KLRD1: variants seen among roughly 807,000 people sequenced by gnomAD.
KLRD1 encodes killer cell lectin like receptor D1.
A neutral mutation model predicts 22.6 loss-of-function variants in KLRD1; 21 were observed. The observed-to-expected ratio is 0.93, with a 90% CI of 0.66 to 1.34. The LOEUF (loss-of-function observed/expected upper bound fraction) is 1.34. Ranked by LOEUF, KLRD1 falls within the 40% of genes most tolerant of loss-of-function variation. The pLI is 0.00. For missense variants in KLRD1, 183 were observed against 208.6 expected (o/e 0.88, Z 0.76); for synonymous variants, 59 against 71.1 (o/e 0.83, Z 0.85).
chr12:10,269,765 T>A (rs1949532237), intron 1 of KLRD1, among the ~76,000 whole-genome samples: 1 of 152,168 alleles, frequency 6.6e-6, no homozygotes, highest in Non-Finnish European at 1.5e-5. Flanking sequence ...TCATCTTAAC[T>A]TTCTATTTTT....
At chr12:10,286,662 CTTTTTTT>C (rs747241701) in intron 1 of KLRD1, among the ~76,000 whole-genome samples, 28 of 54,800 alleles carry the variant, frequency 5.1e-4, no homozygotes, top group Non-Finnish European at 6.9e-4. Flanking sequence ...GCTTATGGTG[CTTTTTTT>C]TTTTTTTTTT....
At chr12:10,268,917 T>C (rs1399851589) in intron 1 of KLRD1, among the ~76,000 whole-genome samples, 1 of 152,228 alleles carries the variant, frequency 6.6e-6, no homozygotes, top group African/African-American at 2.4e-5. Flanking sequence ...AATTTTATCA[T>C]TATAACAGTG....
At chr12:10,252,010 A>G (rs892850413) in intron 1 of KLRD1, among the ~76,000 whole-genome samples, 1 of 152,154 alleles carries the variant, frequency 6.6e-6, no homozygotes, top group Non-Finnish European at 1.5e-5. Context: ...TCAATTACAC[A>G]TTTCTCCTGA....
chr12:10,259,381 A>C (rs535482514), intron 1 of KLRD1, among the ~76,000 whole-genome samples: 1 of 152,294 alleles, frequency 6.6e-6, no homozygotes, highest in African/African-American at 2.4e-5. Flanking sequence ...CATAATATTC[A>C]TCCTTGACTT....
At chr12:10,290,420 T>A (rs1949756857) in intron 1 of KLRD1, among the ~76,000 whole-genome samples, 2 of 152,212 alleles carry the variant, frequency 1.3e-5, no homozygotes, top group South Asian at 4.1e-4. Context: ...ACTCTAGGAA[T>A]AATCAGAGGT....
intron 1 of KLRD1, among the ~76,000 whole-genome samples, chr12:10,247,439 T>G (rs890752078): frequency 1.3e-5 from 2 of 152,220 alleles, no homozygotes; most frequent in African/African-American, 4.8e-5. Flanking sequence ...TGTAAGTAGA[T>G]GTACTAATTT....
rs190251515 is a variant in KLRD1, at chr12:10,327,969, G to A, written c.*13176G>A. The A allele has an allele frequency of 1.6e-4, 25 of 152,202 alleles. No homozygotes were observed. Among genetic ancestry groups the A allele is most frequent in the Admixed American group, 3.9e-4 (6 of 15,272 alleles). 9.4% of individuals were successfully genotyped at this position (152,202 alleles called of 1,614,324 possible). A position where few individuals can be genotyped will look rare whatever the true frequency, so the allele number is the denominator to read the frequency against. On this transcript the variant is annotated 3_prime_UTR_variant, in exon 6 of 6. Coordinates refer to ENST00000336164, the MANE Select transcript of KLRD1 (RefSeq NM_002262.5). ...ATTAATGTGGTATATTACATTAATT[G>A]ATTTTGTATGTTAGGCTATCCTTGC... is the stretch of plus-strand genomic sequence containing the variant.
chr12:10,309,761 G>A (rs1950014813), intron 3 of KLRD1, 73 bp downstream of exon 3: 7 of 1,009,580 alleles, frequency 6.9e-6, no homozygotes, highest in East Asian at 2.5e-5. Context: ...TTCACACAGA[G>A]AGGCATGATG....
chr12:10,243,631 A>AAAAAAAAAAAAAAAAAG lies in KLRD1; in HGVS notation c.-101+17400_-101+17401insAAAAAAAAAAAAAAGAA, dbSNP rs771543645. 1.4e-3 allele frequency among the ~76,000 whole-genome samples: 171 copies of AAAAAAAAAAAAAAAAAG among 118,752 alleles called. 28 individuals carry two copies. Among genetic ancestry groups the AAAAAAAAAAAAAAAAAG allele is most frequent in the East Asian group, 0.011 (32 of 3,020 alleles). 77.9% of individuals were successfully genotyped at this position (118,752 alleles called of 152,430 possible). On this transcript the variant is annotated intron_variant, in intron 1 of 5. Transcript: ENST00000544747. ...CCAAAAAAAAAAAAAAAAAAAAAAA[A>AAAAAAAAAAAAAAAAAG]AACCGAAATGAAAGATATGGAACAA...
At chr12:10,292,656 G>A (rs974977571) in intron 1 of KLRD1, among the ~76,000 whole-genome samples, 1 of 152,182 alleles carries the variant, frequency 6.6e-6, no homozygotes, top group South Asian at 2.1e-4. Context: ...GAGAGCACAG[G>A]TAGAGTAGAC....
At chr12:10,285,592 C>T (rs1207619551) in intron 1 of KLRD1, among the ~76,000 whole-genome samples, 2 of 152,060 alleles carry the variant, frequency 1.3e-5, no homozygotes, top group African/African-American at 2.4e-5. Flanking sequence ...TTCATGGTAC[C>T]TTAAAGTTGT....
intron 1 of KLRD1, among the ~76,000 whole-genome samples, chr12:10,249,858 G>A (rs1949328790): frequency 6.6e-6 from 1 of 152,180 alleles, no homozygotes; most frequent in South Asian, 2.1e-4. Context: ...GGGTGGTAGT[G>A]TCCCATGGTG....
In KLRD1 at chr12:10,318,049, G is replaced by C. The variant is rs1184205643; in HGVS notation, c.*3256G>C. On this transcript the variant is annotated 3_prime_UTR_variant, in exon 6 of 6. Transcript: ENST00000336164. ...CTCACATGATACGTGAGGATTAGGG[G>C]CACTACAATTCAAGATGAGATTTGG... 6.6e-6 allele frequency: 1 copy of C among 152,120 alleles called. No individual in the cohort carries two copies. The highest frequency in any genetic ancestry group is 1.5e-5 in the Non-Finnish European group (1 of 68,010). The allele number at this position is 152,120 out of a possible 1,614,324, so 9.4% of individuals were successfully genotyped here. A position where few individuals can be genotyped will look rare whatever the true frequency, so the allele number is the denominator to read the frequency against.
rs1444221719 is a variant in KLRD1 at position 10,325,435 on chromosome 12, C to G, written c.*10642C>G. On this transcript the variant is annotated 3_prime_UTR_variant, in exon 6 of 6. Transcript: ENST00000336164. ...CAAGTCTACAGTACAGTATTATTAA[C>G]AATAGGTACAATGTTGTATAGTAGA... is the stretch of plus-strand genomic sequence containing the variant. 2.6e-5 allele frequency: 4 copies of G among 152,126 alleles called. No homozygotes were observed. Among genetic ancestry groups the G allele is most frequent in the South Asian group, 2.1e-4 (1 of 4,836 alleles). 9.4% of individuals were successfully genotyped at this position (152,126 alleles called of 1,614,324 possible). A position where few individuals can be genotyped will look rare whatever the true frequency, so the allele number is the denominator to read the frequency against.
chr12:10,244,855 A>G (rs1416947604), intron 1 of KLRD1, among the ~76,000 whole-genome samples: 2 of 151,922 alleles, frequency 1.3e-5, no homozygotes, highest in Non-Finnish European at 2.9e-5. Context: ...TCATGCTCTT[A>G]CTCTTCCTGT....
chr12:10,305,939 G>C (rs1453983777), upstream of KLRD1, among the ~76,000 whole-genome samples: 1 of 152,058 alleles, frequency 6.6e-6, no homozygotes, highest in African/African-American at 2.4e-5. Context: ...GAGGCGGGCG[G>C]ATCACGAGGT....
chr12:10,283,155 C>G (rs1456302530), intron 1 of KLRD1, among the ~76,000 whole-genome samples: 1 of 152,192 alleles, frequency 6.6e-6, no homozygotes, highest in Admixed American at 6.5e-5. Context: ...TGGTACTATT[C>G]CCAGAGCTAG....
chr12:10,258,022 A>G (rs1353083619), intron 1 of KLRD1, among the ~76,000 whole-genome samples: 1 of 150,212 alleles, frequency 6.7e-6, no homozygotes, highest in Non-Finnish European at 1.5e-5. Flanking sequence ...TGAGTGTCTT[A>G]ATGTCCTGGA....
intron 1 of KLRD1, among the ~76,000 whole-genome samples, chr12:10,245,649 T>C (rs10772249): frequency 0.75 from 114,342 of 152,030 alleles, 43,572 homozygotes; most frequent in East Asian, 1. Flanking sequence ...CTGTGTACTG[T>C]CTACTTGTCC....
Sources: gnomAD v4.1 joint callset for allele counts (sites outside exome capture counted in the v4.1 genomes callset) on GRCh38, gnomAD v4.1.1 for gene constraint, MANE v1.5 for transcripts, NCBI Gene and HGNC (gene_info 2026-07-23, HGNC 2026-07-21) for gene names.